TSHZ3: variants seen among roughly 807,000 people sequenced by gnomAD.
The protein encoded by TSHZ3 is teashirt zinc finger homeobox 3.
A neutral mutation model predicts 64.5 loss-of-function variants in TSHZ3; 10 were observed. That is an observed-to-expected ratio of 0.16 (90% CI 0.10 to 0.26). The LOEUF is 0.26. TSHZ3 is among the 10% of genes least tolerant of loss of function. The pLI, the probability that TSHZ3 is intolerant of heterozygous loss-of-function variation, is 1.00. For missense variants in TSHZ3, 1,242 were observed against 1,421.7 expected (o/e 0.87, Z 2.03); for synonymous variants, 608 against 593.1 (o/e 1.03, Z -0.36).
intron 6 of TSHZ3, among the ~76,000 whole-genome samples, chr19:31,152,496 C>T (rs1449803048): frequency 6.6e-6 from 1 of 152,104 alleles, no homozygotes; most frequent in African/African-American, 2.4e-5. Context: ...GGAAGACATC[C>T]TCTTGAGTTC....
intron 5 of TSHZ3, among the ~76,000 whole-genome samples, chr19:31,197,154 A>T (rs549905599): frequency 9.9e-5 from 15 of 152,104 alleles, no homozygotes; most frequent in Admixed American, 7.2e-4. Flanking sequence ...CAATAGGAAG[A>T]TAGGTGGAAA....
exon 7 of TSHZ3, among the ~76,000 whole-genome samples, chr19:31,151,168 G>A (rs1466392015): frequency 2.0e-5 from 3 of 152,130 alleles, no homozygotes; most frequent in African/African-American, 7.2e-5. Flanking sequence ...AGGCGGACAG[G>A]GCCTGCTTGG....
intron 1 of TSHZ3, among the ~76,000 whole-genome samples, chr19:31,314,134 G>A (rs1314298212): frequency 6.6e-6 from 1 of 152,160 alleles, no homozygotes; most frequent in Non-Finnish European, 1.5e-5. Flanking sequence ...ACACAGGGTT[G>A]CCTCCCTTGT....
rs754145455 is a variant in TSHZ3 at position 31,268,684 on chromosome 19, G to A, written n.64-25809C>T. On this transcript the variant is annotated intron_variant and non_coding_transcript_variant, in intron 1 of 6. Transcript: ENST00000651361. ...GTAGTGAGGTGAGCTTGTGCCACCC[G>A]AGAAGAATATCAGGACATGACTCCT... Among the ~76,000 whole-genome samples, 7 of 152,154 alleles carry A rather than the reference G, an allele frequency of 4.6e-5. 1 individual carries two copies. Among genetic ancestry groups the A allele is most frequent in the Admixed American group, 1.3e-4 (2 of 15,276 alleles).
downstream of TSHZ3, among the ~76,000 whole-genome samples, chr19:31,271,067 ACAG>A (rs1453626738): frequency 1.3e-5 from 2 of 152,216 alleles, no homozygotes; most frequent in Non-Finnish European, 2.9e-5. Flanking sequence ...CCTGGTGTCC[ACAG>A]CAGTACCAAG....
chr19:31,211,256 G>A (rs758834844), intron 4 of TSHZ3, among the ~76,000 whole-genome samples: 2 of 152,088 alleles, frequency 1.3e-5, no homozygotes, highest in African/African-American at 2.4e-5. Flanking sequence ...TTACAAAATC[G>A]ATCTCAGATT....
chr19:31,204,854 G>A (rs1267870094), intron 5 of TSHZ3: 1 of 152,444 alleles, frequency 6.6e-6, no homozygotes, highest in African/African-American at 2.4e-5. Flanking sequence ...TGAGAGGAGA[G>A]CCTTCCCTTC....
chr19:31,231,588 C>T (rs371697203), intron 3 of TSHZ3, among the ~76,000 whole-genome samples: 2 of 152,214 alleles, frequency 1.3e-5, no homozygotes, highest in Non-Finnish European at 2.9e-5. Context: ...TATAAATCTG[C>T]ACTTCTCACT....
At chr19:31,226,363 T>C (rs1174258325) in intron 4 of TSHZ3, among the ~76,000 whole-genome samples, 1 of 152,132 alleles carries the variant, frequency 6.6e-6, no homozygotes, top group Non-Finnish European at 1.5e-5. Context: ...CCCACACTGT[T>C]CTCATGGTAG....
chr19:31,337,744 C>CACACACACACACAT (rs1428931871), intron 1 of TSHZ3, among the ~76,000 whole-genome samples: 3 of 151,996 alleles, frequency 2.0e-5, no homozygotes, highest in African/African-American at 7.2e-5. Flanking sequence ...CACACACACA[C>CACACACACACACAT]ACACACACAA....
intron 1 of TSHZ3, among the ~76,000 whole-genome samples, chr19:31,301,189 A>G (rs554655620): frequency 6.6e-6 from 1 of 152,066 alleles, no homozygotes; most frequent in African/African-American, 2.4e-5. Context: ...GGGGGATTTC[A>G]GTTCATCCCT....
rs1976297449 is a variant in TSHZ3, at chr19:31,278,551, G to A, written c.1242C>T (p.Val414=). 1.2e-6 allele frequency: 2 copies of A among 1,614,052 alleles called. No individual in the cohort carries two copies. The highest frequency in any genetic ancestry group is 1.3e-5 in the African/African-American group (1 of 74,904). ...HMMVTGHFIK[V]TNSAMKKGKP... ...TCCCCTTTTTCATAGCAGAGTTGGTGACCTTGATGAAGTGGCCAGTGACCA... is the reference window on the plus strand; with the variant it reads ...TCCCCTTTTTCATAGCAGAGTTGGTAACCTTGATGAAGTGGCCAGTGACCA... Residue 414 remains valine (V), a synonymous_variant, in exon 2 of 2, where the codon GTC becomes GTT. Transcript: ENST00000240587. This position sits in a 1 kb window ranked among gnomAD's most constrained non-coding sequence, Gnocchi z 4.7.
chr19:31,277,633 G>A lies in TSHZ3; in HGVS notation c.2160C>T (p.Asn720=), dbSNP rs761417086. 32 of 1,555,632 alleles carry A rather than the reference G, an allele frequency of 2.1e-5. No individual in the cohort carries two copies. Among genetic ancestry groups the A allele is most frequent in the African/African-American group, 5.5e-5 (4 of 73,012 alleles). ...TGACTGACTGCAGGGCGCTCAAAGGGTTAACAAAAGGCTGTTCAGGCGGGT... is the reference window on the plus strand; with the variant it reads ...TGACTGACTGCAGGGCGCTCAAAGGATTAACAAAAGGCTGTTCAGGCGGGT... ...TDHPPEQPFV[N]PLSALQSVMN... Residue 720 remains asparagine (N), a synonymous_variant, in exon 2 of 2, where the codon AAC becomes AAT. Transcript: ENST00000240587. The surrounding 1 kb of genome is among the most constrained non-coding windows in gnomAD (Gnocchi z 4.5).
chr19:31,328,950 C>T (rs1024913403), intron 1 of TSHZ3, among the ~76,000 whole-genome samples: 1 of 152,126 alleles, frequency 6.6e-6, no homozygotes, highest in African/African-American at 2.4e-5. Flanking sequence ...TCACTGTTCA[C>T]CAATCTCACT....
chr19:31,202,750 G>A (rs977171592), intron 5 of TSHZ3, among the ~76,000 whole-genome samples: 1 of 152,016 alleles, frequency 6.6e-6, no homozygotes, highest in Non-Finnish European at 1.5e-5. Context: ...GAAGTGGGAG[G>A]GATATTTTTA....
chr19:31,318,950 T>C (rs1315132834), intron 1 of TSHZ3, among the ~76,000 whole-genome samples: 1 of 152,216 alleles, frequency 6.6e-6, no homozygotes, highest in Non-Finnish European at 1.5e-5. Context: ...GCTCCTCCCA[T>C]GGCCCAGACA....
At chr19:31,213,356 CAAAAAAAAAAAAAAAA>C (rs35192337) in intron 4 of TSHZ3, among the ~76,000 whole-genome samples, 627 of 23,308 alleles carry the variant, frequency 0.027, 9 homozygotes, top group Non-Finnish European at 0.037. Flanking sequence ...GACTCTGTCT[CAAAAAAAAAAAAAAAA>C]AAAAAAAAAA....
intron 1 of TSHZ3, among the ~76,000 whole-genome samples, chr19:31,259,267 CT>C (rs1170035144): frequency 6.6e-6 from 1 of 152,062 alleles, no homozygotes; most frequent in Non-Finnish European, 1.5e-5. Flanking sequence ...ACTTGGTAGT[CT>C]TTTGGGTCGA....
intron 1 of TSHZ3, among the ~76,000 whole-genome samples, chr19:31,248,578 T>C (rs1391472860): frequency 1.3e-5 from 2 of 150,208 alleles, no homozygotes; most frequent in East Asian, 3.9e-4. Flanking sequence ...GCCCAGGAGT[T>C]CCAGACCAGC....
Sources: gnomAD v4.1 joint callset for allele counts (sites outside exome capture counted in the v4.1 genomes callset) on GRCh38, gnomAD v4.1.1 for gene constraint, Gnocchi (gnomAD v3.1) non-coding constraint, MANE v1.5 for transcripts, NCBI Gene and HGNC (gene_info 2026-07-23, HGNC 2026-07-21) for gene names.